The following RALGAPA1 variants were observed in gnomAD, a reference collection of about 807,000 sequenced individuals.
The protein encoded by RALGAPA1 is Ral GTPase activating protein catalytic subunit alpha 1.
RALGAPA1 carries 52 observed loss-of-function variants against 269.6 expected under a neutral mutation model. The ratio of observed to expected loss-of-function variants is 0.19; its 90% CI spans 0.15 to 0.24. The LOEUF (loss-of-function observed/expected upper bound fraction) is 0.24. Among genes scored for constraint, RALGAPA1 ranks in the 10% least tolerant of loss-of-function variants. The probability of loss-of-function intolerance (pLI) is 1.00; values close to 1 mark genes in which losing one functional copy is unlikely to be tolerated. For missense variants in RALGAPA1, 1,917 were observed against 3,013.9 expected (o/e 0.64, Z 8.52); for synonymous variants, 817 against 1,008.3 (o/e 0.81, Z 3.60).
chr14:35,693,386 G>A (rs762568639), intron 17 of RALGAPA1, among the ~76,000 whole-genome samples: 1 of 151,422 alleles, frequency 6.6e-6, no homozygotes, highest in Non-Finnish European at 1.5e-5. Flanking sequence ...GGTGGCATCA[G>A]GTTTAAATAA....
At chr14:35,557,098 A>ATGTGTGTGTGTGTGTGTG (rs56835063) in intron 39 of RALGAPA1, among the ~76,000 whole-genome samples, 5 of 142,430 alleles carry the variant, frequency 3.5e-5, no homozygotes, top group Non-Finnish European at 7.7e-5. Flanking sequence ...TCCAATATGT[A>ATGTGTGTGTGTGTGTGTG]TGTGTGTGTG....
chr14:35,541,562 T>A (rs188361409), intron 41 of RALGAPA1, among the ~76,000 whole-genome samples: 1 of 152,138 alleles, frequency 6.6e-6, no homozygotes, highest in African/African-American at 2.4e-5. Context: ...AAGATCTGAA[T>A]TGGTTCATAG....
In RALGAPA1 at chr14:35,754,616, G is replaced by A. The variant is rs148906727; in HGVS notation, c.663+2177C>T. 1.9e-4 allele frequency among the ~76,000 whole-genome samples: 29 copies of A among 152,272 alleles called. 1 individual carries two copies. The East Asian group carries it at 5.0e-3, about 26-fold the overall frequency. ...ATTGTATAAGTCTTACATATTGCTG[G>A]TGGAATGTAAAAAGGTACAGTCATT... On this transcript the variant is annotated intron_variant, in intron 7 of 41. Coordinates refer to ENST00000680220, the MANE Select transcript of RALGAPA1 (RefSeq NM_001346249.2).
At chr14:35,701,330 A>G (rs2067334660) in intron 16 of RALGAPA1, among the ~76,000 whole-genome samples, 1 of 152,220 alleles carries the variant, frequency 6.6e-6, no homozygotes, top group Non-Finnish European at 1.5e-5. Context: ...TAGTTTGAAT[A>G]TTAACATCAA....
At chr14:35,782,397 C>G (rs1044068054) in intron 1 of RALGAPA1, among the ~76,000 whole-genome samples, 1 of 152,068 alleles carries the variant, frequency 6.6e-6, no homozygotes, top group Non-Finnish European at 1.5e-5. Flanking sequence ...CCCAAATATA[C>G]CTAAAGATTC....
At chr14:35,654,290 A>C in intron 30 of RALGAPA1, 77 bp downstream of exon 30, 16 of 1,391,470 alleles carry the variant, frequency 1.1e-5, no homozygotes, top group Non-Finnish European at 1.5e-5. Context: ...AAAACTATTA[A>C]ATAATTTTAC....
chr14:35,729,659 T>C (rs1014959831), intron 12 of RALGAPA1, among the ~76,000 whole-genome samples: 3 of 152,124 alleles, frequency 2.0e-5, no homozygotes, highest in African/African-American at 2.4e-5. Context: ...CTGCCTAACA[T>C]GCTTGAGGAA....
At chr14:35,807,137 G>A (rs969562287) in intron 1 of RALGAPA1, among the ~76,000 whole-genome samples, 6 of 151,990 alleles carry the variant, frequency 3.9e-5, no homozygotes, top group African/African-American at 1.4e-4. Context: ...ATACTTTATT[G>A]GAACTCAACT....
intron 26 of RALGAPA1, 45 bp downstream of exon 26, chr14:35,671,344 C>A (rs45456501): frequency 1.4e-6 from 2 of 1,475,202 alleles, no homozygotes; most frequent in Admixed American, 4.2e-5. Context: ...TTAGTTGAAT[C>A]CTGGCTAAAG....
intron 16 of RALGAPA1, chr14:35,716,017 C>T: frequency 2.0e-6 from 2 of 985,074 alleles, no homozygotes; most frequent in Non-Finnish European, 2.4e-6. Flanking sequence ...CACTATGTTG[C>T]TGGCAATACG....
intron 12 of RALGAPA1, among the ~76,000 whole-genome samples, chr14:35,730,211 A>G (rs2070345698): frequency 1.3e-5 from 2 of 152,338 alleles, no homozygotes; most frequent in South Asian, 4.1e-4. Context: ...ACAGGGGTAG[A>G]GGAAGCAGTA....
At chr14:35,573,982 C>A (rs777312621) in intron 37 of RALGAPA1, among the ~76,000 whole-genome samples, 2 of 152,120 alleles carry the variant, frequency 1.3e-5, no homozygotes, top group Non-Finnish European at 2.9e-5. Context: ...AATTTTGATA[C>A]ATTAATGTCA....
At chr14:35,554,680 C>T (rs2055420264) in intron 39 of RALGAPA1, among the ~76,000 whole-genome samples, 1 of 152,126 alleles carries the variant, frequency 6.6e-6, no homozygotes, top group African/African-American at 2.4e-5. Flanking sequence ...TTTTTATACC[C>T]GATTCTTGGG....
At chr14:35,642,748 G>C (rs1410104275) in intron 31 of RALGAPA1, among the ~76,000 whole-genome samples, 2 of 152,154 alleles carry the variant, frequency 1.3e-5, no homozygotes, top group Non-Finnish European at 2.9e-5. Flanking sequence ...GTGTAAACTA[G>C]TTCAACCATT....
intron 27 of RALGAPA1, among the ~76,000 whole-genome samples, chr14:35,663,790 A>G: frequency 6.6e-6 from 1 of 151,898 alleles, no homozygotes; most frequent in African/African-American, 2.4e-5. Flanking sequence ...ATAGGGTTTC[A>G]CCGTGTTAGC....
At position 35,605,629 on chromosome 14, in the gene RALGAPA1, C is replaced by G; in HGVS notation, c.7010G>C (p.Gly2337Ala). Residue 2337 changes from glycine to alanine, a missense_variant, in exon 36 of 42, where the codon GGA (glycine) becomes GCA (alanine). Gly to Ala is a moderately conservative substitution (Grantham distance 60, BLOSUM62 0). Transcript: ENST00000680220. ...TACAAAATCTTCATATGCTTGACTT[C>G]CTCCTGTATTGGTGAGAATGGAGTG... is the stretch of plus-strand genomic sequence containing the variant. ...DKHSILTNTG[G>A]SQAYEDFVAG... The G allele has an allele frequency of 6.2e-7, 1 of 1,609,746 alleles. No homozygotes were observed. The highest frequency in any genetic ancestry group is 8.5e-7 in the Non-Finnish European group (1 of 1,178,676).
chr14:35,760,639 T>A (rs2141359736), intron 6 of RALGAPA1, among the ~76,000 whole-genome samples, 190 bp downstream of exon 6: 1 of 152,266 alleles, frequency 6.6e-6, no homozygotes, highest in Middle Eastern at 3.4e-3. Flanking sequence ...GAACTGTGAG[T>A]AACAAACTAT....
At chr14:35,717,000 T>C (rs2140909564) in intron 16 of RALGAPA1, among the ~76,000 whole-genome samples, 1 of 152,294 alleles carries the variant, frequency 6.6e-6, no homozygotes, top group Non-Finnish European at 1.5e-5. Context: ...CACATTAATG[T>C]TTTTGATATC....
intron 27 of RALGAPA1, among the ~76,000 whole-genome samples, chr14:35,661,706 A>G (rs887342035): frequency 6.6e-6 from 1 of 152,174 alleles, no homozygotes; most frequent in African/African-American, 2.4e-5. Context: ...GTCATATACA[A>G]TGTAAGTTCC....
Sources: gnomAD v4.1 joint callset for allele counts (sites outside exome capture counted in the v4.1 genomes callset) on GRCh38, gnomAD v4.1.1 for gene constraint, MANE v1.5 for transcripts, NCBI Gene and HGNC (gene_info 2026-07-23, HGNC 2026-07-21) for gene names.